ROBO1: variants seen among roughly 807,000 people sequenced by gnomAD.
The protein encoded by ROBO1 is roundabout homolog 1.
ROBO1 carries 149 observed loss-of-function variants against 195.9 expected under a neutral mutation model. That is an observed-to-expected ratio of 0.76 (90% CI 0.67 to 0.87). The LOEUF (loss-of-function observed/expected upper bound fraction) is 0.87. Ranked by LOEUF, ROBO1 falls within the 40% of genes least tolerant of loss-of-function variation. The pLI, the probability that ROBO1 is intolerant of heterozygous loss-of-function variation, is 0.00. For synonymous variants in ROBO1, 816 were observed against 733.2 expected, an observed-to-expected ratio of 1.11 and a Z score of -1.82; for missense variants, 1,933 against 2,068.3, an observed-to-expected ratio of 0.93 and a Z score of 1.27.
intron 2 of ROBO1, among the ~76,000 whole-genome samples, chr3:79,554,353 T>A (rs1368787067): frequency 6.6e-6 from 1 of 152,096 alleles, no homozygotes; most frequent in East Asian, 1.9e-4. Flanking sequence ...GCATTAAGTA[T>A]CATAAGCAAA....
At position 79,007,491 on chromosome 3, in the gene ROBO1, A is replaced by G. The variant is rs146709867; in HGVS notation, c.173-68564T>C. Among the ~76,000 whole-genome samples, 64 of 152,280 alleles carry G rather than the reference A, an allele frequency of 4.2e-4. No homozygotes were observed. The Middle Eastern group carries it at 0.02, about 49-fold the overall frequency. ...TAAAAATACACATAGCATTATATCA[A>G]AGTCTATTTATCTGTATACTGCTAT... On this transcript the variant is annotated intron_variant, in intron 3 of 30. Coordinates refer to ENST00000464233, the MANE Select transcript of ROBO1 (RefSeq NM_002941.4).
intron 2 of ROBO1, among the ~76,000 whole-genome samples, chr3:79,273,033 G>C (rs2030708647): frequency 6.6e-6 from 1 of 152,016 alleles, no homozygotes; most frequent in South Asian, 2.1e-4. Flanking sequence ...GCCTGAAGGA[G>C]AAATAAAGAC....
At chr3:79,489,068 G>A (rs2107437370) in intron 2 of ROBO1, among the ~76,000 whole-genome samples, 1 of 151,126 alleles carries the variant, frequency 6.6e-6, no homozygotes, top group South Asian at 2.1e-4. Flanking sequence ...GATATTATTA[G>A]TGAATAAAAA....
At chr3:79,035,561 C>CA (rs146611106) in intron 3 of ROBO1, among the ~76,000 whole-genome samples, 2,906 of 151,156 alleles carry the variant, frequency 0.019, 101 homozygotes, top group African/African-American at 0.066. Flanking sequence ...CTCTACAAAA[C>CA]AAAAAAAACA....
At chr3:79,721,165 C>T (rs1702684567) in intron 1 of ROBO1, among the ~76,000 whole-genome samples, 1 of 152,172 alleles carries the variant, frequency 6.6e-6, no homozygotes, top group Non-Finnish European at 1.5e-5. Context: ...CAAATTCATG[C>T]ATTCTCCTGA....
intron 1 of ROBO1, among the ~76,000 whole-genome samples, chr3:79,628,831 G>A (rs1233383109): frequency 6.6e-6 from 1 of 152,030 alleles, no homozygotes; most frequent in Non-Finnish European, 1.5e-5. Flanking sequence ...AGTAAAATAA[G>A]TTAGCAGGAG....
At chr3:79,348,742 T>C (rs1325136365) in intron 2 of ROBO1, among the ~76,000 whole-genome samples, 4 of 152,178 alleles carry the variant, frequency 2.6e-5, no homozygotes, top group Non-Finnish European at 2.9e-5. Flanking sequence ...TTTTGTATTT[T>C]TGAGTGGAAA....
At chr3:79,678,092 T>G (rs1946838794) in intron 1 of ROBO1, among the ~76,000 whole-genome samples, 1 of 152,022 alleles carries the variant, frequency 6.6e-6, no homozygotes. Flanking sequence ...AATAGCAGGG[T>G]TCACAGAGAG....
intron 26 of ROBO1, among the ~76,000 whole-genome samples, chr3:78,621,438 T>A (rs1321508552): frequency 6.6e-6 from 1 of 152,198 alleles, no homozygotes; most frequent in African/African-American, 2.4e-5. Flanking sequence ...TGTGTTTGGA[T>A]AATGCACATT....
At chr3:79,688,656 C>G (rs1947207198) in intron 1 of ROBO1, among the ~76,000 whole-genome samples, 1 of 151,930 alleles carries the variant, frequency 6.6e-6, no homozygotes, top group South Asian at 2.1e-4. Context: ...CAAACAGCAA[C>G]TCTATTTTAC....
chr3:79,442,430 T>C (rs1348930687), intron 2 of ROBO1, among the ~76,000 whole-genome samples: 2 of 152,198 alleles, frequency 1.3e-5, no homozygotes, highest in African/African-American at 4.8e-5. Context: ...ATTTCATAGA[T>C]TTAGAGATTA....
chr3:79,210,332 T>G lies in ROBO1; in HGVS notation c.89-84793A>C, dbSNP rs181804417. ...GCATCAACATAGGCACACAGACCAA[T>G]GGAACAGAATCGAGAACCCAGAAAT... On this transcript the variant is annotated intron_variant, in intron 2 of 30. Coordinates refer to ENST00000464233, the MANE Select transcript of ROBO1 (RefSeq NM_002941.4). 4.4e-3 allele frequency among the ~76,000 whole-genome samples: 665 copies of G among 152,186 alleles called. 9 individuals carry two copies. The highest frequency in any genetic ancestry group is 0.015 in the African/African-American group (630 of 41,520).
intron 3 of ROBO1, among the ~76,000 whole-genome samples, chr3:78,972,982 ACAAC>A (rs2076802512): frequency 6.6e-6 from 1 of 152,194 alleles, no homozygotes. Flanking sequence ...GAAAAATAAA[ACAAC>A]CACACAAAAA....
chr3:79,531,482 G>A (rs1941660234), intron 2 of ROBO1, among the ~76,000 whole-genome samples: 1 of 152,028 alleles, frequency 6.6e-6, no homozygotes, highest in African/African-American at 2.4e-5. Flanking sequence ...AATTAACCAG[G>A]CTTGGTGGTG....
At chr3:79,254,409 A>G (rs569489793) in intron 2 of ROBO1, among the ~76,000 whole-genome samples, 1 of 151,916 alleles carries the variant, frequency 6.6e-6, no homozygotes, top group African/African-American at 2.4e-5. Context: ...AATTCCTCCA[A>G]TTCTTGACTA....
intron 3 of ROBO1, among the ~76,000 whole-genome samples, chr3:79,049,356 T>G (rs945110200): frequency 6.6e-6 from 1 of 151,956 alleles, no homozygotes; most frequent in Non-Finnish European, 1.5e-5. Context: ...GAAAAATGAA[T>G]GAAAAGAAAC....
chr3:78,844,425 C>T (rs2033510563), intron 4 of ROBO1, among the ~76,000 whole-genome samples: 1 of 151,724 alleles, frequency 6.6e-6, no homozygotes, highest in Non-Finnish European at 1.5e-5. Flanking sequence ...TTTAAAGGAC[C>T]TATTAGAAAA....
chr3:79,090,465 C>G (rs748171317), intron 3 of ROBO1, among the ~76,000 whole-genome samples: 3 of 151,286 alleles, frequency 2.0e-5, no homozygotes, highest in Non-Finnish European at 1.5e-5. Context: ...CCCCTCCCCC[C>G]GCTTCCCTCC....
chr3:79,597,333 A>G (rs76621698), intron 1 of ROBO1, among the ~76,000 whole-genome samples: 183 of 152,146 alleles, frequency 1.2e-3, no homozygotes, highest in African/African-American at 4.3e-3. Flanking sequence ...TGCAGGATTA[A>G]TGCTTTCAAA....
Sources: allele counts gnomAD v4.1 joint callset (sites outside exome capture counted in the v4.1 genomes callset), GRCh38; gene constraint gnomAD v4.1.1; transcripts MANE v1.5; gene names NCBI Gene and HGNC (gene_info 2026-07-23, HGNC 2026-07-21).